The following PCDH15 variants were observed in gnomAD, a reference collection of about 807,000 sequenced individuals.
The protein encoded by PCDH15 is protocadherin related 15.
Under a neutral mutation model 178.5 loss-of-function variants are expected in PCDH15, and 129 were observed. That is an observed-to-expected ratio of 0.72 (90% CI 0.63 to 0.84). PCDH15 has a LOEUF of 0.84. Among genes scored for constraint, PCDH15 ranks in the 40% least tolerant of loss-of-function variants. The pLI is 0.00. For synonymous variants in PCDH15, 800 were observed against 732.0 expected (o/e 1.09, Z -1.50); for missense variants, 2,230 against 2,099.9 (o/e 1.06, Z -1.21).
intron 2 of PCDH15, among the ~76,000 whole-genome samples, chr10:55,549,179 C>T (rs895530758): frequency 4.1e-5 from 6 of 146,306 alleles, no homozygotes; most frequent in Non-Finnish European, 9.1e-5. Flanking sequence ...TTTGTTTTTT[C>T]CCCCCCAGCA....
chr10:53,835,529 C>CA (rs11438772), intron 29 of PCDH15, among the ~76,000 whole-genome samples: 30,952 of 150,908 alleles, frequency 0.21, 3,433 homozygotes, highest in Non-Finnish European at 0.26. Context: ...ACAATGTGAG[C>CA]AAAAAAAACC....
chr10:54,445,992 G>C (rs2076120129), intron 3 of PCDH15, among the ~76,000 whole-genome samples: 1 of 151,348 alleles, frequency 6.6e-6, no homozygotes, highest in Admixed American at 6.6e-5. Flanking sequence ...ATGCTCTGAT[G>C]ATCAGGTCTC....
At chr10:53,955,463 G>A (rs557961568) in intron 23 of PCDH15, among the ~76,000 whole-genome samples, 1 of 152,102 alleles carries the variant, frequency 6.6e-6, no homozygotes, top group African/African-American at 2.4e-5. Flanking sequence ...AACATTCTAC[G>A]ATAAATAAAT....
At chr10:54,605,916 G>A (rs1261757706) in intron 2 of PCDH15, 6 of 152,082 alleles carry the variant, frequency 3.9e-5, no homozygotes, top group African/African-American at 1.4e-4. Flanking sequence ...GGATAGATAT[G>A]TAGATAAATT....
Position 54,023,025 on chromosome 10 carries a change from G to A in PCDH15, c.2393C>T (p.Pro798Leu). The change falls in exon 19 of 38, where the codon CCT (proline) becomes CTT (leucine). Residue 798 changes from proline to leucine, a missense_variant. By Grantham distance (98) the Pro-to-Leu change is moderately conservative. Transcript: ENST00000644397. Reference sequence around the variant, plus strand: ...GGCCAAGGTTAGAGTTGAATGACGAGGGTGTACTGCTCCATCTGTTGCCAC... The same window carrying A: ...GGCCAAGGTTAGAGTTGAATGACGAAGGTGTACTGCTCCATCTGTTGCCAC... ...VVVATDGAVH[P>L]RHSTLTLAIK... 1 of 1,613,960 alleles carries A rather than the reference G, an allele frequency of 6.2e-7. No homozygotes were observed. The highest frequency in any genetic ancestry group is 8.5e-7 in the Non-Finnish European group (1 of 1,179,890).
At chr10:55,255,584 T>G (rs570647192) in intron 1 of PCDH15, among the ~76,000 whole-genome samples, 3,103 of 152,248 alleles carry the variant, frequency 0.02, 43 homozygotes, top group Middle Eastern at 0.041. Flanking sequence ...GTAAAAGTGT[T>G]CCTATTTCTC....
intron 15 of PCDH15, among the ~76,000 whole-genome samples, chr10:54,101,294 G>T (rs911955220): frequency 6.6e-6 from 1 of 152,032 alleles, no homozygotes; most frequent in Non-Finnish European, 1.5e-5. Context: ...TTTGTAAATT[G>T]CCCAGTCTCT....
At chr10:55,332,444 G>C (rs1844226131) in intron 2 of PCDH15, among the ~76,000 whole-genome samples, 1 of 152,058 alleles carries the variant, frequency 6.6e-6, no homozygotes, top group Admixed American at 6.6e-5. Flanking sequence ...AAAATAAATA[G>C]AACTAGATCA....
chr10:55,365,740 G>A (rs1043647968), intron 2 of PCDH15, among the ~76,000 whole-genome samples: 1 of 151,974 alleles, frequency 6.6e-6, no homozygotes, highest in African/African-American at 2.4e-5. Flanking sequence ...TTCACCTTCC[G>A]CCATGACTGT....
At chr10:54,982,276 A>G (rs1186036799) in intron 2 of PCDH15, among the ~76,000 whole-genome samples, 2 of 152,160 alleles carry the variant, frequency 1.3e-5, no homozygotes, top group East Asian at 3.9e-4. Flanking sequence ...ACACAATCCT[A>G]TGGTTAGGGT....
intron 17 of PCDH15, among the ~76,000 whole-genome samples, chr10:54,072,181 A>G (rs1241894241): frequency 1.3e-5 from 2 of 152,198 alleles, no homozygotes; most frequent in African/African-American, 2.4e-5. Flanking sequence ...ATTCTTTTCA[A>G]TAACAATGGG....
rs898653666 is a variant in PCDH15, at chr10:53,821,267, G to C, written c.4368-1037C>G. On this transcript the variant is annotated intron_variant, in intron 32 of 37. Coordinates refer to ENST00000644397, the MANE Select transcript of PCDH15 (RefSeq NM_001384140.1). ...ATAAAAGCAAGTCAGAGTAAAAGAT[G>C]TTCTTATCAGAAAACAGATGACTAC... The C allele has an allele frequency of 9.1e-6, 9 of 984,850 alleles. No homozygotes were observed. The African/African-American group carries it at 1.6e-4, about 17-fold the overall frequency. The allele number at this position is 984,850 out of a possible 1,614,324, so 61.0% of individuals were successfully genotyped here. A position where few individuals can be genotyped will look rare whatever the true frequency, so the allele number is the denominator to read the frequency against.
intron 2 of PCDH15, among the ~76,000 whole-genome samples, chr10:55,524,734 G>A (rs1841265368): frequency 6.6e-6 from 1 of 151,148 alleles, no homozygotes; most frequent in African/African-American, 2.4e-5. Context: ...ATTGTCCATA[G>A]CTTATTTATT....
intron 18 of PCDH15, among the ~76,000 whole-genome samples, chr10:54,035,137 CTG>C (rs1313403552): frequency 1.3e-5 from 2 of 151,788 alleles, no homozygotes; most frequent in African/African-American, 2.4e-5. Flanking sequence ...TGGAGTGTAA[CTG>C]TTCCACAGGA....
chr10:54,616,088 C>T (rs374807581), intron 2 of PCDH15, among the ~76,000 whole-genome samples: 2 of 151,588 alleles, frequency 1.3e-5, no homozygotes, highest in African/African-American at 4.8e-5. Context: ...ATGTGCAAAG[C>T]CTTTAAAAAT....
At chr10:54,077,834 G>A (rs1036148362) in intron 17 of PCDH15, among the ~76,000 whole-genome samples, 2 of 152,156 alleles carry the variant, frequency 1.3e-5, no homozygotes, top group Non-Finnish European at 2.9e-5. Flanking sequence ...AGGCCAAGGA[G>A]GGTGGATCAT....
chr10:54,258,679 TA>T (rs2057092533), intron 8 of PCDH15, among the ~76,000 whole-genome samples: 1 of 152,130 alleles, frequency 6.6e-6, no homozygotes, highest in Non-Finnish European at 1.5e-5. Context: ...TATTTTCTAA[TA>T]AAAATAAAAT....
chr10:54,539,089 A>G (rs149462157), intron 2 of PCDH15, among the ~76,000 whole-genome samples: 224 of 152,272 alleles, frequency 1.5e-3, no homozygotes, highest in Non-Finnish European at 2.3e-3. Flanking sequence ...TATGTTATCT[A>G]TGATTTCTTT....
At chr10:54,059,761 G>C (rs73235788) in intron 18 of PCDH15, among the ~76,000 whole-genome samples, 3 of 152,194 alleles carry the variant, frequency 2.0e-5, no homozygotes, top group African/African-American at 4.8e-5. Flanking sequence ...GTTCAGATAC[G>C]CATGAGCAAG....
Sources: gnomAD v4.1 joint callset for allele counts (sites outside exome capture counted in the v4.1 genomes callset) on GRCh38, gnomAD v4.1.1 for gene constraint, MANE v1.5 for transcripts, NCBI Gene and HGNC (gene_info 2026-07-23, HGNC 2026-07-21) for gene names.